Variants in SPATS2 observed in about 807,000 individuals in gnomAD.
The protein encoded by SPATS2 is spermatogenesis associated serine rich 2.
A neutral mutation model predicts 63.7 loss-of-function variants in SPATS2; 38 were observed. The observed-to-expected ratio is 0.60, with a 90% CI of 0.46 to 0.78. SPATS2 has a LOEUF of 0.78. Among genes scored for constraint, SPATS2 ranks in the 30% least tolerant of loss-of-function variants. The pLI is 0.00. For synonymous variants in SPATS2, 207 were observed against 232.9 expected, an observed-to-expected ratio of 0.89 and a Z score of 1.01; for missense variants, 588 against 666.2, an observed-to-expected ratio of 0.88 and a Z score of 1.29.
intron 9 of SPATS2, among the ~76,000 whole-genome samples, chr12:49,509,654 G>A (rs61234946): frequency 0.016 from 2,385 of 151,616 alleles, 61 homozygotes; most frequent in African/African-American, 0.053. Context: ...TGTCTCTACT[G>A]AAAATACAAA....
chr12:49,448,185 T>G (rs1254574436), intron 2 of SPATS2, among the ~76,000 whole-genome samples: 1 of 150,926 alleles, frequency 6.6e-6, no homozygotes, highest in Non-Finnish European at 1.5e-5. Flanking sequence ...CCACCCAGGC[T>G]GGAGTGCAGT....
intron 2 of SPATS2, among the ~76,000 whole-genome samples, chr12:49,394,561 C>T (rs886331097): frequency 6.6e-6 from 1 of 151,492 alleles, no homozygotes; most frequent in Non-Finnish European, 1.5e-5. Context: ...TCAGATCTTT[C>T]ACATCTTTTT....
chr12:49,472,650 A>G (rs1414329396), intron 3 of SPATS2, among the ~76,000 whole-genome samples: 2 of 148,256 alleles, frequency 1.3e-5, no homozygotes, highest in African/African-American at 2.5e-5. Context: ...TTATATTATT[A>G]TATTATTCAG....
At position 49,498,141 on chromosome 12, in the gene SPATS2, A is replaced by AT. The variant is rs1555191148; in HGVS notation, c.703+1132_703+1133insT. Among the ~76,000 whole-genome samples the AT allele has an allele frequency of 7.5e-3, 558 of 74,260 alleles. 2 individuals carry two copies. The highest frequency in any genetic ancestry group is 0.017 in the Middle Eastern group (3 of 178). The allele number at this position is 74,260 out of a possible 152,430, so 48.7% of individuals were successfully genotyped here. A position where few individuals can be genotyped will look rare whatever the true frequency, so the allele number is the denominator to read the frequency against. On this transcript the variant is annotated intron_variant, in intron 8 of 13. Transcript: ENST00000552918. Reference sequence around the variant, plus strand: ...GACTATCCAATCAAGCCAAAAAAAAAAAAAATATATATATATATATATATA... The same window carrying AT: ...GACTATCCAATCAAGCCAAAAAAAAATAAAAATATATATATATATATATATA...
chr12:49,482,812 C>T (rs1946228236), intron 3 of SPATS2, among the ~76,000 whole-genome samples: 1 of 151,934 alleles, frequency 6.6e-6, no homozygotes, highest in Non-Finnish European at 1.5e-5. Context: ...TTTTTTGAGA[C>T]AGGATCTCTC....
At chr12:49,419,726 A>G (rs953273869) in intron 2 of SPATS2, among the ~76,000 whole-genome samples, 9 of 152,318 alleles carry the variant, frequency 5.9e-5, no homozygotes, top group East Asian at 3.9e-4. Flanking sequence ...TGCTTATTCT[A>G]TCCTTTCATA....
intron 2 of SPATS2, among the ~76,000 whole-genome samples, chr12:49,441,573 C>A (rs1363522949): frequency 6.6e-6 from 1 of 152,174 alleles, no homozygotes; most frequent in African/African-American, 2.4e-5. Context: ...AATCTCTTTA[C>A]CAATTTCCTT....
intron 2 of SPATS2, among the ~76,000 whole-genome samples, chr12:49,385,303 G>GA (rs1468733111): frequency 6.7e-6 from 1 of 149,426 alleles, no homozygotes; most frequent in East Asian, 2.0e-4. Flanking sequence ...CAAAAACCAT[G>GA]AAAAAAACAC....
chr12:49,506,842 A>G (rs12315746), intron 9 of SPATS2, among the ~76,000 whole-genome samples: 2,093 of 152,180 alleles, frequency 0.014, 44 homozygotes, highest in African/African-American at 0.046. Flanking sequence ...TCTTTAAAAA[A>G]AAAAAAAAAA....
At chr12:49,384,914 A>G (rs930852265) in intron 2 of SPATS2, among the ~76,000 whole-genome samples, 1 of 151,976 alleles carries the variant, frequency 6.6e-6, no homozygotes, top group Non-Finnish European at 1.5e-5. Flanking sequence ...GGTTCAAGCA[A>G]TTATCCTGCC....
rs150983368 is a variant in SPATS2 at position 49,491,533 on chromosome 12, A to G, written c.264+802A>G. ...AGTTCAAGTCTGGGCAACATGATGA[A>G]ACCTGATCTCAAAAAAAAGGCTATT... On this transcript the variant is annotated intron_variant, in intron 6 of 13. Transcript: ENST00000552918. Among the ~76,000 whole-genome samples the G allele has an allele frequency of 4.5e-4, 68 of 152,122 alleles. No individual in the cohort carries two copies. In the South Asian group the frequency reaches 0.011, roughly 26 times the overall value.
intron 2 of SPATS2, among the ~76,000 whole-genome samples, chr12:49,447,458 C>T (rs1265063467): frequency 1.3e-5 from 2 of 151,240 alleles, no homozygotes; most frequent in Non-Finnish European, 2.9e-5. Flanking sequence ...AGGATGGTCT[C>T]AATCTCTTGA....
chr12:49,424,997 A>T (rs1007263293), intron 2 of SPATS2, among the ~76,000 whole-genome samples: 3 of 152,094 alleles, frequency 2.0e-5, no homozygotes, highest in Non-Finnish European at 4.4e-5. Context: ...ATTTTATTTT[A>T]GCTTAAAACA....
At chr12:49,379,224 A>G (rs1303553541) in intron 2 of SPATS2, among the ~76,000 whole-genome samples, 3 of 151,208 alleles carry the variant, frequency 2.0e-5, no homozygotes, top group African/African-American at 7.3e-5. Flanking sequence ...CTGGCCCCAG[A>G]TTTTATTTTT....
rs566128185 is a variant in SPATS2, at chr12:49,426,644, C to T, written c.-243-34126C>T. Among the ~76,000 whole-genome samples the T allele has an allele frequency of 1.2e-3, 182 of 152,266 alleles. 1 individual carries two copies. The highest frequency in any genetic ancestry group is 5.3e-3 in the Admixed American group (81 of 15,296). On this transcript the variant is annotated intron_variant, in intron 2 of 13. Transcript: ENST00000552918. ...CTGCAAGCTCCGCCTCCCGGGTACA[C>T]GCCATTCTCCTGCCTCAGCCTCCCG...
intron 2 of SPATS2, among the ~76,000 whole-genome samples, chr12:49,385,077 A>G (rs1944288826): frequency 6.6e-6 from 1 of 152,036 alleles, no homozygotes; most frequent in Non-Finnish European, 1.5e-5. Context: ...TCAAAGTGCT[A>G]GGATTACAGG....
chr12:49,446,036 T>A (rs1354746521), intron 2 of SPATS2, among the ~76,000 whole-genome samples: 1 of 152,034 alleles, frequency 6.6e-6, no homozygotes, highest in East Asian at 1.9e-4. Flanking sequence ...CCTGAGTAGG[T>A]GGGACTACAG....
intron 2 of SPATS2, among the ~76,000 whole-genome samples, chr12:49,416,926 C>A (rs1203633302): frequency 6.6e-6 from 1 of 152,212 alleles, no homozygotes; most frequent in Non-Finnish European, 1.5e-5. Flanking sequence ...ACACCAGACA[C>A]CCCACATATA....
chr12:49,522,649 T>G (rs1946960585), intron 11 of SPATS2, 102 bp from the exon 12 acceptor site: 1 of 915,236 alleles, frequency 1.1e-6, no homozygotes, highest in African/African-American at 1.7e-5. Context: ...TTTGAAGCAA[T>G]AAAAAGACAA....
Sources: gnomAD v4.1 joint callset for allele counts (sites outside exome capture counted in the v4.1 genomes callset) on GRCh38, gnomAD v4.1.1 for gene constraint, MANE v1.5 for transcripts, NCBI Gene and HGNC (gene_info 2026-07-23, HGNC 2026-07-21) for gene names.